TTLL5: variants seen among roughly 807,000 people sequenced by gnomAD.
TTLL5 encodes tubulin tyrosine ligase like 5, also known as tubulin polyglutamylase TTLL5.
TTLL5 carries 132 observed loss-of-function variants against 168.4 expected under a neutral mutation model. The ratio of observed to expected loss-of-function variants is 0.78; its 90% confidence interval spans 0.68 to 0.91. TTLL5 has a LOEUF of 0.91. TTLL5 is among the 40% of genes least tolerant of loss of function. The pLI is 0.00. For missense variants in TTLL5, 1,545 were observed against 1,581.5 expected (o/e 0.98, Z 0.39); for synonymous variants, 546 against 558.6 (o/e 0.98, Z 0.32).
At chr14:75,882,023 G>T (rs532301159) in intron 29 of TTLL5, among the ~76,000 whole-genome samples, 1 of 152,262 alleles carries the variant, frequency 6.6e-6, no homozygotes, top group Admixed American at 6.5e-5. Flanking sequence ...CATGTAACTA[G>T]CATTTGTATA....
intron 23 of TTLL5, among the ~76,000 whole-genome samples, chr14:75,779,065 GGGT>G (rs956703546): frequency 1.3e-5 from 2 of 152,128 alleles, no homozygotes; most frequent in African/African-American, 4.8e-5. Context: ...GGCTACATAT[GGGT>G]GGTGGTGGTG....
intron 31 of TTLL5, among the ~76,000 whole-genome samples, chr14:75,923,124 G>A (rs983507595): frequency 8.5e-5 from 13 of 152,178 alleles, no homozygotes; most frequent in African/African-American, 2.7e-4. Context: ...CTTGCTAGCA[G>A]TCTGTCAATT....
chr14:75,768,260 T>C (rs963699141), intron 20 of TTLL5, among the ~76,000 whole-genome samples: 1 of 152,164 alleles, frequency 6.6e-6, no homozygotes, highest in Non-Finnish European at 1.5e-5. Flanking sequence ...AGGAGTAGTA[T>C]GGTAAAAGCT....
At chr14:75,752,800 C>T in intron 17 of TTLL5, 93 bp from the exon 18 acceptor site, 1 of 1,140,358 alleles carries the variant, frequency 8.8e-7, no homozygotes, top group South Asian at 1.3e-5. Flanking sequence ...TATAAGTACC[C>T]CTGTTATTTC....
intron 7 of TTLL5, among the ~76,000 whole-genome samples, chr14:75,703,927 G>C (rs1886461622): frequency 6.6e-6 from 1 of 152,166 alleles, no homozygotes; most frequent in African/African-American, 2.4e-5. Context: ...AGTACTCTGA[G>C]TAGAATGGCA....
At chr14:75,749,265 T>G (rs1889800604) in intron 17 of TTLL5, among the ~76,000 whole-genome samples, 2 of 152,184 alleles carry the variant, frequency 1.3e-5, no homozygotes. Flanking sequence ...AGGACCTTAC[T>G]TTGAGTATCT....
At chr14:75,793,344 T>C (rs1038643144) in intron 27 of TTLL5, among the ~76,000 whole-genome samples, 1 of 152,212 alleles carries the variant, frequency 6.6e-6, no homozygotes, top group Non-Finnish European at 1.5e-5. Context: ...ATTTCATGGA[T>C]AAACAGACTT....
intron 5 of TTLL5, 40 bp downstream of exon 5, chr14:75,683,696 C>A: frequency 6.6e-7 from 1 of 1,508,756 alleles, no homozygotes; most frequent in Non-Finnish European, 9.2e-7. Flanking sequence ...TTTAAAGGTA[C>A]ATGACATTGG....
intron 28 of TTLL5, among the ~76,000 whole-genome samples, chr14:75,824,847 T>C (rs1288321138): frequency 6.6e-6 from 1 of 152,194 alleles, no homozygotes; most frequent in Non-Finnish European, 1.5e-5. Context: ...GCCTCTGTTA[T>C]AAGGGAATTA....
intron 12 of TTLL5, among the ~76,000 whole-genome samples, chr14:75,721,330 G>T (rs145609978): frequency 2.0e-5 from 3 of 152,174 alleles, no homozygotes; most frequent in Admixed American, 1.3e-4. Flanking sequence ...CACTGAGGGT[G>T]CCTATGGACA....
intron 18 of TTLL5, among the ~76,000 whole-genome samples, chr14:75,759,285 A>G (rs1053656567): frequency 6.6e-6 from 1 of 152,104 alleles, no homozygotes; most frequent in African/African-American, 2.4e-5. Context: ...TGAAATGACA[A>G]TTCTTTGTGG....
intron 3 of TTLL5, among the ~76,000 whole-genome samples, chr14:75,675,681 G>A (rs1884089973): frequency 6.6e-6 from 1 of 152,186 alleles, no homozygotes; most frequent in African/African-American, 2.4e-5. Flanking sequence ...CAGTTGGGCA[G>A]CTTCAGTTTA....
intron 13 of TTLL5, among the ~76,000 whole-genome samples, chr14:75,733,083 A>C (rs1014162211): frequency 2.6e-5 from 4 of 152,252 alleles, no homozygotes; most frequent in Non-Finnish European, 4.4e-5. Context: ...TAAGGATGAG[A>C]GATATTGGCA....
At chr14:75,760,085 G>A (rs1251807315) in intron 18 of TTLL5, among the ~76,000 whole-genome samples, 2 of 151,990 alleles carry the variant, frequency 1.3e-5, no homozygotes, top group Admixed American at 6.5e-5. Context: ...GACACGATCA[G>A]GTTAGTAGAA....
chr14:75,695,666 G>C (rs1391497944), intron 6 of TTLL5, among the ~76,000 whole-genome samples: 1 of 152,060 alleles, frequency 6.6e-6, no homozygotes, highest in Non-Finnish European at 1.5e-5. Flanking sequence ...CCAACACTTA[G>C]GGAAATAGAA....
rs751439234 is a variant in TTLL5, at chr14:75,707,609, CTTT to C, written c.656-5_656-3del. On this transcript the variant is annotated splice_polypyrimidine_tract_variant and intron_variant, in intron 8 of 31. Transcript: ENST00000298832. ...CTTAGTTTTTTTTTGTGAATACAAA[CTTT>C]TTTTTTTTAGATTTCAAGTTTGACG... 4.3e-4 allele frequency: 517 copies of C among 1,198,942 alleles called. No individual in the cohort carries two copies. The highest frequency in any genetic ancestry group is 3.0e-3 in the Admixed American group (142 of 47,194). The allele number at this position is 1,198,942 out of a possible 1,614,324, so 74.3% of individuals were successfully genotyped here.
At chr14:75,950,900 C>T (rs1200664753) in intron 31 of TTLL5, among the ~76,000 whole-genome samples, 2 of 151,538 alleles carry the variant, frequency 1.3e-5, no homozygotes, top group Non-Finnish European at 2.9e-5. Flanking sequence ...CTCAGGAGGT[C>T]GGGGCTTCAG....
intron 31 of TTLL5, among the ~76,000 whole-genome samples, chr14:75,931,179 TCTC>T (rs889283903): frequency 6.0e-4 from 91 of 152,132 alleles, no homozygotes; most frequent in African/African-American, 2.1e-3. Context: ...AAGTAGTACT[TCTC>T]CTGCTCACAC....
intron 31 of TTLL5, among the ~76,000 whole-genome samples, chr14:75,931,795 C>T (rs1486537590): frequency 6.6e-6 from 1 of 152,226 alleles, no homozygotes; most frequent in Non-Finnish European, 1.5e-5. Context: ...TTCACCATTG[C>T]ACAAGATGTT....
Sources: allele counts gnomAD v4.1 joint callset (sites outside exome capture counted in the v4.1 genomes callset), GRCh38; gene constraint gnomAD v4.1.1; transcripts MANE v1.5; gene names NCBI Gene and HGNC (gene_info 2026-07-23, HGNC 2026-07-21).